CC2D1A: variants seen among roughly 807,000 people sequenced by gnomAD.
CC2D1A encodes coiled-coil and C2 domain containing 1A, also known as coiled-coil and C2 domain-containing protein 1A.
Under a neutral mutation model 123.8 loss-of-function variants are expected in CC2D1A, and 68 were observed. The ratio of observed to expected loss-of-function variants is 0.55; its 90% CI spans 0.45 to 0.67. The LOEUF is 0.67. Ranked by LOEUF, CC2D1A falls within the 30% of genes least tolerant of loss-of-function variation. The pLI is 0.00. For missense variants in CC2D1A, 1,185 were observed against 1,290.3 expected, an observed-to-expected ratio of 0.92 and a Z score of 1.25; for synonymous variants, 477 against 528.0, an observed-to-expected ratio of 0.90 and a Z score of 1.32.
chr19:13,929,886 G>T, intron 26 of CC2D1A, among the ~76,000 whole-genome samples, 192 bp from the exon 27 acceptor site: 1 of 78,260 alleles, frequency 1.3e-5, no homozygotes, highest in Non-Finnish European at 2.6e-5. Flanking sequence ...CTCGGGGATG[G>T]GCACCTGGAG....
rs753968190 is a variant in CC2D1A, at chr19:13,920,542, T to C, written c.1357-15T>C. ...GCGCTACGAAATCTCTAACATCCTC[T>C]CTCTTCCTCTACAGCAGAACAGCCC... On this transcript the variant is annotated splice_polypyrimidine_tract_variant and intron_variant, in intron 12 of 28. Transcript: ENST00000318003. 1.4e-6 allele frequency: 2 copies of C among 1,474,030 alleles called. No individual in the cohort carries two copies. The highest frequency in any genetic ancestry group is 1.8e-5 in the Admixed American group (1 of 56,988). The allele number at this position is 1,474,030 out of a possible 1,614,324, so 91.3% of individuals were successfully genotyped here.
At chr19:13,921,788 C>G (rs1971421239) in intron 14 of CC2D1A, among the ~76,000 whole-genome samples, 1 of 152,138 alleles carries the variant, frequency 6.6e-6, no homozygotes, top group African/African-American at 2.4e-5. Context: ...ACCTGTAATT[C>G]CAGCTACTTG....
chr19:13,918,198 C>G lies in CC2D1A; in HGVS notation c.873+4C>G, dbSNP rs762510262. ...TAGACACTTCCGCGTGGCTAAGGTG[C>G]GTCCAGCCTGACGGACAGGACTGGA... On this transcript the variant is annotated splice_donor_region_variant and intron_variant, in intron 7 of 28. Coordinates refer to ENST00000318003, the MANE Select transcript of CC2D1A (RefSeq NM_017721.5). The G allele has an allele frequency of 6.4e-7, 1 of 1,570,746 alleles. No individual in the cohort carries two copies. The highest frequency in any genetic ancestry group is 1.9e-5 in the Admixed American group (1 of 51,806).
rs554003391 is a variant in CC2D1A at position 13,923,672 on chromosome 19, G to A, written c.1824-23G>A. 3.1e-6 allele frequency: 5 copies of A among 1,613,356 alleles called. No homozygotes were observed. The East Asian group carries it at 1.1e-4, about 36-fold the overall frequency. On this transcript the variant is annotated intron_variant, in intron 16 of 28. Coordinates refer to ENST00000318003, the MANE Select transcript of CC2D1A (RefSeq NM_017721.5). This position sits in a 1 kb window ranked among gnomAD's most constrained non-coding sequence, Gnocchi z 5.3. Reference sequence around the variant, plus strand: ...CACCCATCCCCAGGGCCAGGGACATGAGCAGGGCCCTCCCACCGGCAGGTT... The same window carrying A: ...CACCCATCCCCAGGGCCAGGGACATAAGCAGGGCCCTCCCACCGGCAGGTT...
chr19:13,924,561 C>T (rs1462982345), intron 17 of CC2D1A, among the ~76,000 whole-genome samples: 1 of 152,010 alleles, frequency 6.6e-6, no homozygotes, highest in East Asian at 1.9e-4. Context: ...CCTCTGCCTC[C>T]CAGGTTCAAG....
At chr19:13,916,898 A>C (rs1053853913) in intron 6 of CC2D1A, among the ~76,000 whole-genome samples, 1 of 152,212 alleles carries the variant, frequency 6.6e-6, no homozygotes, top group African/African-American at 2.4e-5. Context: ...TTGCACTTAT[A>C]GCTTTAAACA....
At chr19:13,913,050 A>C in intron 4 of CC2D1A, 118 bp from the exon 5 acceptor site, 1 of 1,082,498 alleles carries the variant, frequency 9.2e-7, no homozygotes, top group Non-Finnish European at 1.3e-6. Context: ...TTTCTGCCTC[A>C]CTGGGGCAGG....
At chr19:13,908,079 C>T (rs960311945) in intron 1 of CC2D1A, among the ~76,000 whole-genome samples, 1 of 152,144 alleles carries the variant, frequency 6.6e-6, no homozygotes, top group African/African-American at 2.4e-5. Flanking sequence ...AATCTCGGCC[C>T]ACTGCAACCT....
rs1872731280 is a variant in CC2D1A at position 13,918,982 on chromosome 19, A to G, written c.1089A>G (p.Ala363=). 6.2e-7 allele frequency: 1 copy of G among 1,609,590 alleles called. No individual in the cohort carries two copies. The highest frequency in any genetic ancestry group is 8.5e-7 in the Non-Finnish European group (1 of 1,177,996). ...GGATGGAGCGGTACCAGGTGGCCGCAGCCCAGGCCAAGAGCAAGGGGGACC... is the reference window on the plus strand; with the variant it reads ...GGATGGAGCGGTACCAGGTGGCCGCGGCCCAGGCCAAGAGCAAGGGGGACC... ...EQRMERYQVA[A]AQAKSKGDQR... Residue 363 remains alanine (A), a synonymous_variant, in exon 10 of 29, where the codon GCA becomes GCG. Transcript: ENST00000318003.
intron 11 of CC2D1A, 154 bp from the exon 12 acceptor site, chr19:13,919,664 C>T (rs1048356919): frequency 9.3e-6 from 6 of 643,326 alleles, no homozygotes; most frequent in South Asian, 5.2e-5. Flanking sequence ...GGCAACAGAG[C>T]GAGATCCTGT....
rs1049917172 is a variant in CC2D1A at position 13,927,080 on chromosome 19, G to A, written c.2225+3G>A. ...AAGTTCGAAGTGGTTCACAAGGGGT[G>A]AGCTAGAGAGAGCCATGGCCGCTGG... is the stretch of plus-strand genomic sequence containing the variant. On this transcript the variant is annotated splice_donor_region_variant and intron_variant, in intron 21 of 28. Coordinates refer to ENST00000318003, the MANE Select transcript of CC2D1A (RefSeq NM_017721.5). 3.1e-6 allele frequency: 5 copies of A among 1,613,838 alleles called. No homozygotes were observed. Among genetic ancestry groups the A allele is most frequent in the Non-Finnish European group, 3.4e-6 (4 of 1,179,778 alleles).
rs747621241 is a variant in CC2D1A at position 13,920,775 on chromosome 19, G to A, written c.1494G>A (p.Glu498=). ...CCCAGCAGCAGCTGGCCTTCCTAGA[G>A]GGCCGCAAGAAGCAGCTCCTGCAGG... is the stretch of plus-strand genomic sequence containing the variant. ...TRAQQQLAFL[E]GRKKQLLQAA... is the part of the protein sequence containing the mutation. Residue 498 remains glutamate, a synonymous_variant, in exon 14 of 29, where the codon GAG becomes GAA. Coordinates refer to ENST00000318003, the MANE Select transcript of CC2D1A (RefSeq NM_017721.5). The A allele has an allele frequency of 1.1e-5, 17 of 1,613,718 alleles. No individual in the cohort carries two copies. In the South Asian group the frequency reaches 1.8e-4, roughly 17 times the overall value.
rs747988281 is a variant in CC2D1A at position 13,929,007 on chromosome 19, C to CT, written c.2520-358dup. 8.1e-3 allele frequency among the ~76,000 whole-genome samples: 1,111 copies of CT among 137,378 alleles called. 4 individuals carry two copies. The highest frequency in any genetic ancestry group is 0.012 in the Non-Finnish European group (736 of 62,976). The allele number at this position is 137,378 out of a possible 152,430, so 90.1% of individuals were successfully genotyped here. A position where few individuals can be genotyped will look rare whatever the true frequency, so the allele number is the denominator to read the frequency against. ...TACAGGCATGAGCTACCATGCTCGGCTTTTTTTTTTTTTTGAGACAGAATC... is the reference window on the plus strand; with the variant it reads ...TACAGGCATGAGCTACCATGCTCGGCTTTTTTTTTTTTTTTGAGACAGAATC... On this transcript the variant is annotated intron_variant, in intron 24 of 28. Transcript: ENST00000318003.
At chr19:13,925,990 A>ATATATGTGTGTATATATATATACG (rs1971601669) in intron 17 of CC2D1A, among the ~76,000 whole-genome samples, 1 of 94,272 alleles carries the variant, frequency 1.1e-5, no homozygotes, top group Non-Finnish European at 1.9e-5. Flanking sequence ...ATATATATAC[A>ATATATGTGTGTATATATATATACG]TATATGTGTG....
chr19:13,915,079 T>G (rs1027901640), intron 6 of CC2D1A, among the ~76,000 whole-genome samples: 14 of 152,232 alleles, frequency 9.2e-5, no homozygotes, highest in Non-Finnish European at 2.9e-5. Context: ...TTGACAAAGT[T>G]CAAGGATTAC....
At position 13,929,385 on chromosome 19, in the gene CC2D1A, C is replaced by T; in HGVS notation, c.2526C>T (p.Ala842=). The T allele has an allele frequency of 6.2e-7, 1 of 1,613,500 alleles. No individual in the cohort carries two copies. Among genetic ancestry groups the T allele is most frequent in the Non-Finnish European group, 8.5e-7 (1 of 1,179,958 alleles). The change falls in exon 25 of 29, where the codon GCC becomes GCT. Residue 842 remains alanine (A), a synonymous_variant. Transcript: ENST00000318003. ...APARESGNRS[A]RPLHSLSVLA... ...TCCTTCCTCCACCCCTTAGATCAGCCCGGCCCCTGCATAGCCTCAGTGTGC... is the reference window on the plus strand; with the variant it reads ...TCCTTCCTCCACCCCTTAGATCAGCTCGGCCCCTGCATAGCCTCAGTGTGC...
rs1458270497 is a variant in CC2D1A, at chr19:13,928,192, G to A, written c.2519+4G>A. 1 of 1,612,894 alleles carries A rather than the reference G, an allele frequency of 6.2e-7. No individual in the cohort carries two copies. The highest frequency in any genetic ancestry group is 1.1e-5 in the South Asian group (1 of 91,000). On this transcript the variant is annotated splice_donor_region_variant and intron_variant, in intron 24 of 28. Coordinates refer to ENST00000318003, the MANE Select transcript of CC2D1A (RefSeq NM_017721.5). Reference sequence around the variant, plus strand: ...CTGCAAGGGAGTCAGGGAACAGGTAGGTATCTGGGCCAGGGCATGCTGGAG... The same window carrying A: ...CTGCAAGGGAGTCAGGGAACAGGTAAGTATCTGGGCCAGGGCATGCTGGAG...
rs1216478977 is a variant in CC2D1A, at chr19:13,930,091, G to C, written c.2724G>C (p.Gln908His). Residue 908 changes from glutamine to histidine, a missense_variant, in exon 27 of 29, where the codon CAG becomes CAC. Coordinates refer to ENST00000318003, the MANE Select transcript of CC2D1A (RefSeq NM_017721.5). The surrounding 1 kb of genome is among the most constrained non-coding windows in gnomAD (Gnocchi z 6.8). ...ATCCATTCTCAGAATACGCAGCCCA[G>C]CTGGAGCGGCAGCTGCAGTTCTACA... ...GVGIRREYAA[Q>H]LERQLQFYTE... The C allele has an allele frequency of 1.2e-6, 2 of 1,612,970 alleles. No individual in the cohort carries two copies. The highest frequency in any genetic ancestry group is 1.6e-4 in the Middle Eastern group (1 of 6,080).
At chr19:13,921,072 C>T in intron 14 of CC2D1A, 150 bp downstream of exon 14, 3 of 797,904 alleles carry the variant, frequency 3.8e-6, no homozygotes, top group African/African-American at 1.7e-5. Context: ...AGGAGACAGA[C>T]ATTTATTATG....
Sources: allele counts gnomAD v4.1 joint callset (sites outside exome capture counted in the v4.1 genomes callset), GRCh38; gene constraint gnomAD v4.1.1; non-coding constraint Gnocchi (gnomAD v3.1); transcripts MANE v1.5; gene names NCBI Gene and HGNC (gene_info 2026-07-23, HGNC 2026-07-21).